PTPRM: variants seen among roughly 807,000 people sequenced by gnomAD.
The protein encoded by PTPRM is protein tyrosine phosphatase receptor type M.
Under a neutral mutation model 186.7 loss-of-function variants are expected in PTPRM, and 47 were observed. The observed-to-expected ratio is 0.25, with a 90% CI of 0.20 to 0.32. The LOEUF is 0.32. Among genes scored for constraint, PTPRM ranks in the 10% least tolerant of loss-of-function variants. The pLI is 1.00. For missense variants in PTPRM, 1,494 were observed against 1,865.0 expected, an observed-to-expected ratio of 0.80 and a Z score of 3.66; for synonymous variants, 668 against 674.9, an observed-to-expected ratio of 0.99 and a Z score of 0.16.
In PTPRM at chr18:8,295,764, C is replaced by CA. The variant is rs201255876; in HGVS notation, c.2755-595dup. Among the ~76,000 whole-genome samples the CA allele has an allele frequency of 9.2e-3, 1,383 of 150,808 alleles. 30 individuals are homozygous for CA. The highest frequency in any genetic ancestry group is 0.032 in the African/African-American group (1,304 of 41,138). ...GGGGACATTTTCATTACAACTTGAACAAAAAAAAATTGAATAACCTGAAGA... is the reference window on the plus strand; with the variant it reads ...GGGGACATTTTCATTACAACTTGAACAAAAAAAAAATTGAATAACCTGAAGA... On this transcript the variant is annotated intron_variant, in intron 19 of 32. Transcript: ENST00000580170.
chr18:7,728,906 A>G (rs2040600508), intron 1 of PTPRM, among the ~76,000 whole-genome samples: 2 of 152,002 alleles, frequency 1.3e-5, no homozygotes, highest in Admixed American at 1.3e-4. Flanking sequence ...TTTTTTTTGA[A>G]AATTAATTTT....
chr18:8,054,586 G>A (rs1267662636), intron 7 of PTPRM, among the ~76,000 whole-genome samples: 2 of 151,826 alleles, frequency 1.3e-5, no homozygotes, highest in African/African-American at 4.8e-5. Flanking sequence ...TCCCTTCCCA[G>A]TGATGGAAAG....
chr18:7,766,703 ACTCCTTC>A (rs2042031900), intron 1 of PTPRM, among the ~76,000 whole-genome samples: 1 of 152,036 alleles, frequency 6.6e-6, no homozygotes, highest in Admixed American at 6.6e-5. Context: ...CAGGGAGGCC[ACTCCTTC>A]CTCCTGCAGG....
rs11081370 is a variant in PTPRM at position 8,241,988 on chromosome 18, G to T, written c.2301-2070G>T. Among the ~76,000 whole-genome samples, 6 of 151,870 alleles carry T rather than the reference G, an allele frequency of 4.0e-5. No individual in the cohort carries two copies. In the South Asian group the frequency reaches 1.2e-3, roughly 31 times the overall value. ...ACATCACTGAAATTAGTTTATGCAC[G>T]TGGAGGATTAGAAGGGAGAAAGAAT... On this transcript the variant is annotated intron_variant, in intron 14 of 32. Transcript: ENST00000580170.
intron 20 of PTPRM, among the ~76,000 whole-genome samples, chr18:8,312,142 G>A (rs1321143643): frequency 6.6e-6 from 1 of 152,198 alleles, no homozygotes; most frequent in Non-Finnish European, 1.5e-5. Flanking sequence ...GAGTAGCCGT[G>A]ATTCAGTTCT....
chr18:7,994,301 A>G (rs1482759736), intron 7 of PTPRM, among the ~76,000 whole-genome samples: 1 of 150,130 alleles, frequency 6.7e-6, no homozygotes, highest in Non-Finnish European at 1.5e-5. Context: ...CACACACCTA[A>G]CACTGGTGCA....
At chr18:7,917,255 C>T (rs1411776182) in intron 4 of PTPRM, among the ~76,000 whole-genome samples, 1 of 152,164 alleles carries the variant, frequency 6.6e-6, no homozygotes. Context: ...TATCTTTGGC[C>T]AGGTGCGGTG....
At chr18:7,627,391 C>T (rs190198733) in intron 1 of PTPRM, among the ~76,000 whole-genome samples, 20 of 152,274 alleles carry the variant, frequency 1.3e-4, no homozygotes, top group Admixed American at 1.2e-3. Flanking sequence ...GGCATATGTC[C>T]TGAAACCATT....
Position 7,580,906 on chromosome 18 carries a change from G to T in PTPRM, c.73+13015G>T, listed in dbSNP as rs1247522468. Among the ~76,000 whole-genome samples, 4 of 152,156 alleles carry T rather than the reference G, an allele frequency of 2.6e-5. No individual in the cohort carries two copies. In the East Asian group the frequency reaches 7.7e-4, roughly 29 times the overall value. On this transcript the variant is annotated intron_variant, in intron 1 of 32. Coordinates refer to ENST00000580170, the MANE Select transcript of PTPRM (RefSeq NM_001105244.2). ...AATGTAGTGTTGTGGCTGCTAGGAA[G>T]ATATTAAGTGATGTTGTATTATGTC... is the stretch of plus-strand genomic sequence containing the variant.
At chr18:7,574,335 T>C (rs776833451) in intron 1 of PTPRM, among the ~76,000 whole-genome samples, 4 of 152,230 alleles carry the variant, frequency 2.6e-5, no homozygotes, top group Non-Finnish European at 5.9e-5. Context: ...TTAAATTTTG[T>C]TGTAATGGTT....
chr18:7,871,346 C>G (rs2146185654), intron 2 of PTPRM, among the ~76,000 whole-genome samples: 1 of 152,274 alleles, frequency 6.6e-6, no homozygotes, highest in Admixed American at 6.5e-5. Flanking sequence ...CAGTTCAGTT[C>G]TTAATTTACC....
chr18:7,976,943 A>AT (rs1324462179), intron 7 of PTPRM, among the ~76,000 whole-genome samples: 4 of 148,184 alleles, frequency 2.7e-5, no homozygotes, highest in Admixed American at 6.7e-5. Context: ...TTAAAGCTTG[A>AT]TTTTAACAAT....
At chr18:7,652,481 A>T (rs1029122367) in intron 1 of PTPRM, among the ~76,000 whole-genome samples, 2 of 151,968 alleles carry the variant, frequency 1.3e-5, no homozygotes, top group Non-Finnish European at 2.9e-5. Context: ...CTATTCACAA[A>T]AGCAAAGACT....
At chr18:7,984,747 TTATATACACATATATAAA>T (rs1261531601) in intron 7 of PTPRM, among the ~76,000 whole-genome samples, 2 of 138,526 alleles carry the variant, frequency 1.4e-5, no homozygotes, top group Admixed American at 1.5e-4. Context: ...ACATATAAAA[TTATATACACATATATAAA>T]TATATACACA....
At chr18:7,813,921 A>G (rs901314912) in intron 2 of PTPRM, among the ~76,000 whole-genome samples, 11 of 152,146 alleles carry the variant, frequency 7.2e-5, no homozygotes, top group African/African-American at 2.7e-4. Context: ...GATCACCTTT[A>G]AAAAATTATT....
At chr18:7,817,273 C>A (rs1490598891) in intron 2 of PTPRM, among the ~76,000 whole-genome samples, 1 of 152,032 alleles carries the variant, frequency 6.6e-6, no homozygotes, top group Non-Finnish European at 1.5e-5. Context: ...CTGCCCCCAG[C>A]CTTTTTCTAG....
At chr18:7,840,091 G>T (rs1343468857) in intron 2 of PTPRM, among the ~76,000 whole-genome samples, 6 of 139,824 alleles carry the variant, frequency 4.3e-5, no homozygotes, top group Admixed American at 7.1e-5. Flanking sequence ...TGGAGGTGGG[G>T]GGGGAGGGCA....
At chr18:8,266,519 T>C (rs2094702741) in intron 19 of PTPRM, among the ~76,000 whole-genome samples, 1 of 152,270 alleles carries the variant, frequency 6.6e-6, no homozygotes, top group Admixed American at 6.5e-5. Context: ...CCCATGTTTT[T>C]GACCAGTCAT....
intron 7 of PTPRM, among the ~76,000 whole-genome samples, chr18:8,020,242 C>T (rs1056746735): frequency 3.9e-5 from 6 of 152,136 alleles, no homozygotes; most frequent in South Asian, 2.1e-4. Context: ...AGAGGTCATC[C>T]GCAGTGCTCT....
Sources: allele counts gnomAD v4.1 joint callset (sites outside exome capture counted in the v4.1 genomes callset), GRCh38; gene constraint gnomAD v4.1.1; transcripts MANE v1.5; gene names NCBI Gene and HGNC (gene_info 2026-07-23, HGNC 2026-07-21).